The following SMG1 variants were observed in gnomAD, a reference collection of about 807,000 sequenced individuals.
The protein encoded by SMG1 is serine/threonine-protein kinase SMG1.
SMG1 carries 22 observed loss-of-function variants against 419.9 expected under a neutral mutation model. That is an observed-to-expected ratio of 0.05 (90% CI 0.04 to 0.07). The LOEUF is 0.07. SMG1 is among the 10% of genes least tolerant of loss of function. The pLI is 1.00. For missense variants in SMG1, 3,185 were observed against 4,342.0 expected, an observed-to-expected ratio of 0.73 and a Z score of 7.49; for synonymous variants, 1,538 against 1,553.5, an observed-to-expected ratio of 0.99 and a Z score of 0.23.
chr16:18,858,081 C>T (rs994127165), intron 29 of SMG1, 89 bp downstream of exon 29: 7 of 1,097,622 alleles, frequency 6.4e-6, no homozygotes, highest in African/African-American at 4.8e-5. Context: ...AAACCATACA[C>T]TTAGAATGTG....
At chr16:18,870,733 A>G (rs1161803156) in intron 17 of SMG1, 22 bp from the exon 18 acceptor site, 40 of 1,586,638 alleles carry the variant, frequency 2.5e-5, no homozygotes, top group Non-Finnish European at 3.4e-5. Flanking sequence ...CGAAATAGAC[A>G]AAGCAGGTGT....
intron 23 of SMG1, among the ~76,000 whole-genome samples, chr16:18,864,877 G>A (rs569517457): frequency 6.6e-6 from 1 of 152,158 alleles, no homozygotes; most frequent in Non-Finnish European, 1.5e-5. Flanking sequence ...GACTATGGTG[G>A]GGGGAGGTTT....
At chr16:18,865,237 G>A (rs376155196) in intron 23 of SMG1, among the ~76,000 whole-genome samples, 1 of 151,990 alleles carries the variant, frequency 6.6e-6, no homozygotes, top group African/African-American at 2.4e-5. Context: ...CACTATATGG[G>A]GCAACTTCTA....
intron 60 of SMG1, among the ~76,000 whole-genome samples, chr16:18,814,661 A>G (rs2606551): frequency 0.5 from 74,562 of 150,212 alleles, 18,777 homozygotes; most frequent in Middle Eastern, 0.6. Context: ...CGTAACCTCC[A>G]CCTCCCGGGT....
intron 50 of SMG1, among the ~76,000 whole-genome samples, chr16:18,833,900 G>A (rs1169724585): frequency 2.6e-5 from 4 of 152,126 alleles, no homozygotes; most frequent in East Asian, 1.9e-4. Context: ...TCAAGGTGTC[G>A]TTCACTTTTA....
intron 1 of SMG1, among the ~76,000 whole-genome samples, chr16:18,919,633 A>ATTGT: frequency 1.0e-5 from 1 of 96,322 alleles, no homozygotes; most frequent in Admixed American, 1.2e-4. Flanking sequence ...CAAAAAAAAA[A>ATTGT]ATGTGTGTGT....
intron 1 of SMG1, chr16:18,925,553 G>C (rs2038360047): frequency 5.3e-6 from 1 of 189,304 alleles, no homozygotes; most frequent in Admixed American, 6.2e-5. Context: ...GCGGCTGAAA[G>C]AGTGGGGAAC....
Position 18,819,573 on chromosome 16 carries a change from G to A in SMG1, c.9823C>T (p.Leu3275=). The change falls in exon 56 of 63, where the codon CTA becomes TTA. Residue 3275 remains leucine, a synonymous_variant. Transcript: ENST00000446231. ...GCTATCGTTGCTTCAAAATCTTGTA[G>A]TACAGGGGCCAATGCAGGGTTGGCA... ...GGANPALAPV[L]QDFEATIAER... is the part of the protein sequence containing the mutation. The A allele has an allele frequency of 6.2e-7, 1 of 1,601,922 alleles. No individual in the cohort carries two copies. Among genetic ancestry groups the A allele is most frequent in the Non-Finnish European group, 8.5e-7 (1 of 1,173,834 alleles).
intron 15 of SMG1, among the ~76,000 whole-genome samples, chr16:18,871,730 G>C (rs2035833436): frequency 6.6e-6 from 1 of 152,118 alleles, no homozygotes; most frequent in Non-Finnish European, 1.5e-5. Flanking sequence ...GAGGTCAGGA[G>C]TTCAAGACCA....
intron 11 of SMG1, 27 bp downstream of exon 11, chr16:18,879,468 T>G (rs539903116): frequency 1.3e-6 from 1 of 786,986 alleles, no homozygotes; most frequent in South Asian, 1.5e-5. Context: ...ACCAACACAT[T>G]AAAAAGGAAA....
At chr16:18,923,148 T>C (rs2038262070) in intron 1 of SMG1, among the ~76,000 whole-genome samples, 1 of 152,140 alleles carries the variant, frequency 6.6e-6, no homozygotes, top group Admixed American at 6.5e-5. Flanking sequence ...GCCAGTGCCA[T>C]ATAAATGCTT....
chr16:18,887,189 C>T (rs538031703), intron 6 of SMG1, among the ~76,000 whole-genome samples: 10 of 152,184 alleles, frequency 6.6e-5, no homozygotes, highest in Admixed American at 5.9e-4. Flanking sequence ...ACTGGTGCAT[C>T]TATCTTTCTA....
At chr16:18,813,780 G>A (rs898358268) in intron 60 of SMG1, among the ~76,000 whole-genome samples, 5 of 152,116 alleles carry the variant, frequency 3.3e-5, no homozygotes, top group South Asian at 2.1e-4. Flanking sequence ...TTCTTCTAGG[G>A]TTTTTATGGT....
At chr16:18,889,826 G>A (rs1216736478) in intron 5 of SMG1, among the ~76,000 whole-genome samples, 1 of 152,064 alleles carries the variant, frequency 6.6e-6, no homozygotes, top group Non-Finnish European at 1.5e-5. Context: ...CAAACAGTGA[G>A]GGAAGGCCCA....
intron 62 of SMG1, 26 bp from the exon 63 acceptor site, chr16:18,809,672 TA>T (rs2031186372): frequency 1.3e-5 from 20 of 1,513,406 alleles, no homozygotes; most frequent in Non-Finnish European, 1.7e-5. Flanking sequence ...GGATAGTATG[TA>T]AAGTCATTTA....
rs779075953 is a variant in SMG1 at position 18,815,219 on chromosome 16, G to A, written c.10577C>T (p.Ser3526Leu). The A allele has an allele frequency of 8.1e-6, 13 of 1,596,284 alleles. No individual in the cohort carries two copies. The African/African-American group carries it at 9.4e-5, about 12-fold the overall frequency. ...ATAAGTAGCAGATGACGTTGGACTC[G>A]AACATTCATTTGTTGCATCGGTGAC... Reference protein sequence around the residue: ...PLVTDATNECSSPTSSATYQP... With the variant: ...PLVTDATNECLSPTSSATYQP... The change falls in exon 60 of 63, where the codon TCG becomes TTG. Residue 3526 changes from serine to leucine, a missense_variant. Physicochemically the swap from Ser to Leu is moderately radical, Grantham distance 145. Coordinates refer to ENST00000446231, the MANE Select transcript of SMG1 (RefSeq NM_015092.5).
chr16:18,915,930 G>A (rs570641627), intron 1 of SMG1, among the ~76,000 whole-genome samples: 15 of 151,780 alleles, frequency 9.9e-5, no homozygotes, highest in South Asian at 8.3e-4. Context: ...CCAGCCAGGC[G>A]TGGTGGCAGG....
At chr16:18,847,348 C>T in intron 38 of SMG1, 105 bp downstream of exon 38, 3 of 1,203,108 alleles carry the variant, frequency 2.5e-6, no homozygotes, top group Non-Finnish European at 3.6e-6. Context: ...TATTTAATGC[C>T]ACTGAATTGT....
rs375931043 is a variant in SMG1, at chr16:18,809,733, AAAGTT to A, written c.10909-92_10909-88del. On this transcript the variant is annotated intron_variant, in intron 62 of 62. Transcript: ENST00000446231. ...TACAATCAGCAGACAAATTATGCCA[AAAGTT>A]AAGTGCAAAGGACTCTATACTTACC... The A allele has an allele frequency of 3.9e-4, 408 of 1,039,232 alleles. 7 individuals carry two copies. In the South Asian group the frequency reaches 5.5e-3, roughly 14 times the overall value. 64.4% of individuals were successfully genotyped at this position (1,039,232 alleles called of 1,614,324 possible). A position where few individuals can be genotyped will look rare whatever the true frequency, so the allele number is the denominator to read the frequency against.
Sources: allele counts gnomAD v4.1 joint callset (sites outside exome capture counted in the v4.1 genomes callset), GRCh38; gene constraint gnomAD v4.1.1; transcripts MANE v1.5; gene names NCBI Gene and HGNC (gene_info 2026-07-23, HGNC 2026-07-21).